The following USH2A variants were observed in gnomAD, a reference collection of about 807,000 sequenced individuals.
USH2A encodes usherin.
In USH2A, 443 loss-of-function variants were observed where a neutral mutation model predicts 538.9. The observed-to-expected ratio is 0.82, with a 90% CI of 0.76 to 0.89. The LOEUF (loss-of-function observed/expected upper bound fraction) is 0.89, where lower values mean the gene tolerates loss of function less well. Ranked by LOEUF, USH2A falls within the 40% of genes least tolerant of loss-of-function variation. USH2A has a pLI of 0.00. For synonymous variants in USH2A, 2,413 were observed against 2,273.5 expected (o/e 1.06, Z -1.75); for missense variants, 6,633 against 6,324.8 (o/e 1.05, Z -1.65).
At position 216,243,215 on chromosome 1, in the gene USH2A, C is replaced by A. The variant is rs1016410220; in HGVS notation, c.2809+3370G>T. Reference sequence around the variant, plus strand: ...GCATGTAAGAAACAGTCGAAGATCCCAAGAAGGGATTTTGTGCATATATTT... The same window carrying A: ...GCATGTAAGAAACAGTCGAAGATCCAAAGAAGGGATTTTGTGCATATATTT... On this transcript the variant is annotated intron_variant, in intron 13 of 71. Coordinates refer to ENST00000307340, the MANE Select transcript of USH2A (RefSeq NM_206933.4). 2.0e-5 allele frequency among the ~76,000 whole-genome samples: 3 copies of A among 152,068 alleles called. No homozygotes were observed. In the East Asian group the frequency reaches 5.8e-4, roughly 29 times the overall value.
At chr1:216,391,084 C>T (rs1288333379) in intron 3 of USH2A, among the ~76,000 whole-genome samples, 2 of 152,114 alleles carry the variant, frequency 1.3e-5, no homozygotes, top group East Asian at 1.9e-4. Context: ...GTCAAGAATA[C>T]GCCCAAGCCT....
At chr1:216,414,088 T>C (rs1331604072) in intron 3 of USH2A, among the ~76,000 whole-genome samples, 1 of 152,188 alleles carries the variant, frequency 6.6e-6, no homozygotes, top group Non-Finnish European at 1.5e-5. Flanking sequence ...GGAAATCTTA[T>C]AACTACAGCA....
chr1:216,191,955 T>G (rs756973834), intron 19 of USH2A, among the ~76,000 whole-genome samples: 2 of 152,098 alleles, frequency 1.3e-5, no homozygotes, highest in African/African-American at 2.4e-5. Flanking sequence ...ATAAATTACA[T>G]TATTTTAAAA....
Position 215,639,157 on chromosome 1 carries a change from A to AGTCCAGTAGAGGTATCATATT in USH2A, c.15029_15049dup (p.Gln5010_Gly5016dup). 6.2e-7 allele frequency: 1 copy of AGTCCAGTAGAGGTATCATATT among 1,614,112 alleles called. No individual in the cohort carries two copies. Among genetic ancestry groups the AGTCCAGTAGAGGTATCATATT allele is most frequent in the East Asian group, 2.2e-5 (1 of 44,882 alleles). On this transcript the variant is annotated inframe_insertion, in exon 69 of 72. Transcript: ENST00000307340. ...CAAGTATAATATGAGTTGTTTACCA[A>AGTCCAGTAGAGGTATCATATT]GTCCAGTAGAGGTATCATATTGGAT...
At chr1:215,742,431 CAT>C (rs969344585) in intron 59 of USH2A, among the ~76,000 whole-genome samples, 32 of 151,232 alleles carry the variant, frequency 2.1e-4, no homozygotes, top group Middle Eastern at 3.4e-3. Flanking sequence ...TCATATATAT[CAT>C]ATGTTATATA....
At chr1:215,792,573 G>T (rs540268747) in intron 50 of USH2A, among the ~76,000 whole-genome samples, 2 of 152,212 alleles carry the variant, frequency 1.3e-5, no homozygotes, top group Non-Finnish European at 2.9e-5. Context: ...TCTGAAGACT[G>T]CATCCATCAC....
At chr1:216,207,723 T>A (rs2102481538) in intron 15 of USH2A, among the ~76,000 whole-genome samples, 1 of 151,772 alleles carries the variant, frequency 6.6e-6, no homozygotes, top group African/African-American at 2.4e-5. Context: ...CTTTTTTTTT[T>A]TTTTTTTTGA....
rs1663495909 is a variant in USH2A, at chr1:215,836,475, TA to T, written c.9371+1515del. 1.3e-3 allele frequency among the ~76,000 whole-genome samples: 7 copies of T among 5,580 alleles called. 1 individual carries two copies. The highest frequency in any genetic ancestry group is 1.6e-3 in the African/African-American group (5 of 3,118). The allele number at this position is 5,580 out of a possible 152,430, so 3.7% of individuals were successfully genotyped here. On this transcript the variant is annotated intron_variant, in intron 47 of 71. Coordinates refer to ENST00000307340, the MANE Select transcript of USH2A (RefSeq NM_206933.4). Reference sequence around the variant, plus strand: ...TGTGTGTATATATATTATATATATATATATAATATATATTATATATATAATA... The same window carrying T: ...TGTGTGTATATATATTATATATATATTATAATATATATTATATATATAATA...
In USH2A at chr1:215,625,428, T is replaced by A. The variant is rs190282255; in HGVS notation, c.*353A>T. 8 of 331,960 alleles carry A rather than the reference T, an allele frequency of 2.4e-5. No individual in the cohort carries two copies. The highest frequency in any genetic ancestry group is 4.0e-5 in the Non-Finnish European group (7 of 173,754). The allele number at this position is 331,960 out of a possible 1,614,324, so 20.6% of individuals were successfully genotyped here. A position where few individuals can be genotyped will look rare whatever the true frequency, so the allele number is the denominator to read the frequency against. On this transcript the variant is annotated 3_prime_UTR_variant, in exon 72 of 72. Transcript: ENST00000307340. ...ATCATTTTTGAGCCAGTAACTAACT[T>A]ACTACTTCTAACAACTGTGAGCCAT...
At chr1:216,039,454 A>T (rs7552419) in intron 32 of USH2A, among the ~76,000 whole-genome samples, 21 of 151,734 alleles carry the variant, frequency 1.4e-4, no homozygotes, top group Non-Finnish European at 2.2e-4. Context: ...TGAGACCGTC[A>T]TCTTACCTGG....
chr1:215,845,013 C>T (rs1432493887), intron 45 of USH2A, among the ~76,000 whole-genome samples: 1 of 152,038 alleles, frequency 6.6e-6, no homozygotes, highest in African/African-American at 2.4e-5. Flanking sequence ...ATGTTGATTA[C>T]CATAGGTAAT....
chr1:216,304,171 C>T lies in USH2A; in HGVS notation c.1645-11801G>A, dbSNP rs532254229. ...AGATACTGCCATATATATTCCACTC[C>T]GCTAATAATATCTGAATTTAGTAGT... On this transcript the variant is annotated intron_variant, in intron 9 of 71. Transcript: ENST00000307340. Among the ~76,000 whole-genome samples the T allele has an allele frequency of 9.9e-5, 15 of 152,016 alleles. 1 individual carries two copies. In the South Asian group the frequency reaches 2.1e-3, roughly 21 times the overall value.
At chr1:215,864,167 C>T (rs1401411076) in intron 44 of USH2A, among the ~76,000 whole-genome samples, 1 of 151,998 alleles carries the variant, frequency 6.6e-6, no homozygotes, top group Non-Finnish European at 1.5e-5. Flanking sequence ...CTTTTAAATC[C>T]TTCTTGTTAA....
chr1:216,140,666 ATTGAT>A (rs2033585046), intron 21 of USH2A, among the ~76,000 whole-genome samples: 1 of 152,202 alleles, frequency 6.6e-6, no homozygotes, highest in African/African-American at 2.4e-5. Context: ...TATTGGTACT[ATTGAT>A]TTAATATCAA....
chr1:215,899,958 T>G, intron 40 of USH2A, 117 bp downstream of exon 40: 1 of 1,466,756 alleles, frequency 6.8e-7, no homozygotes. Context: ...AAAAGGTTAT[T>G]GTCACTAAAC....
intron 37 of USH2A, among the ~76,000 whole-genome samples, chr1:215,946,366 C>T (rs1056127923): frequency 3.9e-5 from 6 of 152,028 alleles, no homozygotes; most frequent in African/African-American, 9.7e-5. Context: ...CAACAATATT[C>T]GAGGATAACA....
rs962602056 is a variant in USH2A, at chr1:215,624,165, A to G, written c.*1616T>C. On this transcript the variant is annotated 3_prime_UTR_variant, in exon 72 of 72. Coordinates refer to ENST00000307340, the MANE Select transcript of USH2A (RefSeq NM_206933.4). Reference sequence around the variant, plus strand: ...CTACAGTCACTGCCAGATGTGCACAATTATTTCAGATGCTTTTGTTTATAG... The same window carrying G: ...CTACAGTCACTGCCAGATGTGCACAGTTATTTCAGATGCTTTTGTTTATAG... 6.6e-6 allele frequency: 1 copy of G among 152,310 alleles called. No homozygotes were observed. The highest frequency in any genetic ancestry group is 2.4e-5 in the African/African-American group (1 of 41,580). 9.4% of individuals were successfully genotyped at this position (152,310 alleles called of 1,614,324 possible).
intron 11 of USH2A, among the ~76,000 whole-genome samples, chr1:216,287,399 TAAGA>T (rs1218928889): frequency 6.6e-6 from 1 of 152,200 alleles, no homozygotes; most frequent in Non-Finnish European, 1.5e-5. Flanking sequence ...TATAAGATGT[TAAGA>T]AAGAAATCTA....
intron 67 of USH2A, among the ~76,000 whole-genome samples, chr1:215,644,622 A>C (rs1464899649): frequency 6.6e-6 from 1 of 152,210 alleles, no homozygotes; most frequent in African/African-American, 2.4e-5. Flanking sequence ...CTTTTTAAAA[A>C]AGGATTGAAC....
Sources: gnomAD v4.1 joint callset for allele counts (sites outside exome capture counted in the v4.1 genomes callset) on GRCh38, gnomAD v4.1.1 for gene constraint, MANE v1.5 for transcripts, NCBI Gene and HGNC (gene_info 2026-07-23, HGNC 2026-07-21) for gene names.